Variants in NRXN3 observed in about 807,000 individuals in gnomAD.
The protein encoded by NRXN3 is neurexin III.
In NRXN3, 32 loss-of-function variants were observed where a neutral mutation model predicts 137.6. That is an observed-to-expected ratio of 0.23 (90% CI 0.18 to 0.31). NRXN3 has a LOEUF of 0.31. NRXN3 is among the 10% of genes least tolerant of loss of function. NRXN3 has a pLI of 1.00. For synonymous variants in NRXN3, 798 were observed against 784.5 expected, an observed-to-expected ratio of 1.02 and a Z score of -0.29; for missense variants, 1,574 against 2,062.5, an observed-to-expected ratio of 0.76 and a Z score of 4.59.
At chr14:79,353,645 G>A (rs909872053) in intron 15 of NRXN3, among the ~76,000 whole-genome samples, 2 of 152,130 alleles carry the variant, frequency 1.3e-5, no homozygotes, top group Admixed American at 1.3e-4. Flanking sequence ...GTATGATGAT[G>A]AAAGCCACTG....
At chr14:78,946,988 C>T (rs759729459) in intron 10 of NRXN3, among the ~76,000 whole-genome samples, 3 of 152,206 alleles carry the variant, frequency 2.0e-5, no homozygotes, top group Non-Finnish European at 4.4e-5. Flanking sequence ...TCCAGGGAGA[C>T]GAAGAGCTAT....
At chr14:79,378,766 G>A (rs1454492280) in intron 15 of NRXN3, among the ~76,000 whole-genome samples, 1 of 151,886 alleles carries the variant, frequency 6.6e-6, no homozygotes, top group Non-Finnish European at 1.5e-5. Context: ...TTGAATGAAT[G>A]GATAATGATT....
At chr14:79,422,798 C>G (rs904923657) in intron 15 of NRXN3, among the ~76,000 whole-genome samples, 1 of 149,690 alleles carries the variant, frequency 6.7e-6, no homozygotes, top group African/African-American at 2.5e-5. Flanking sequence ...CTCCCAGGTT[C>G]AAGCAATTCT....
At chr14:78,988,377 T>G (rs1267050282) in intron 15 of NRXN3, 1 of 504,098 alleles carries the variant, frequency 2.0e-6, no homozygotes. Context: ...TTTCTTTAGA[T>G]TAGAATAGCG....
chr14:78,373,843 G>GA (rs1290871596), intron 4 of NRXN3, among the ~76,000 whole-genome samples: 1 of 152,208 alleles, frequency 6.6e-6, no homozygotes, highest in African/African-American at 2.4e-5. Context: ...CTCTGAGAGA[G>GA]AAAAAAAGAC....
At chr14:78,877,371 C>T (rs971028142) in intron 10 of NRXN3, among the ~76,000 whole-genome samples, 3 of 152,136 alleles carry the variant, frequency 2.0e-5, no homozygotes, top group African/African-American at 7.2e-5. Context: ...CGTGTAAAGC[C>T]ATCCCTTCTC....
intron 4 of NRXN3, among the ~76,000 whole-genome samples, chr14:78,573,679 A>G (rs2096910043): frequency 1.3e-5 from 2 of 152,208 alleles, no homozygotes; most frequent in African/African-American, 4.8e-5. Context: ...AGTTATATGT[A>G]TTCACAAAGA....
rs1461207803 is a variant in NRXN3 at position 79,754,355 on chromosome 14, T to A, written c.4015-50757T>A. Among the ~76,000 whole-genome samples, 5 of 150,680 alleles carry A rather than the reference T, an allele frequency of 3.3e-5. No homozygotes were observed. The South Asian group carries it at 1.0e-3, about 31-fold the overall frequency. On this transcript the variant is annotated intron_variant, in intron 19 of 20. Transcript: ENST00000335750. The stretch of plus-strand genomic sequence containing the variant: ...CGAGACTCCATCTCAAAAACATAAA[T>A]AAATAAAGTACAGGGAGGATGTGTA...
At chr14:78,241,886 T>G (rs2067130361) in intron 1 of NRXN3, among the ~76,000 whole-genome samples, 1 of 152,148 alleles carries the variant, frequency 6.6e-6, no homozygotes, top group Admixed American at 6.5e-5. Context: ...CACCTTCCAG[T>G]TTATTTTCAC....
At chr14:78,765,763 A>G (rs1209197305) in intron 8 of NRXN3, among the ~76,000 whole-genome samples, 1 of 152,208 alleles carries the variant, frequency 6.6e-6, no homozygotes, top group Non-Finnish European at 1.5e-5. Context: ...ATACATATAT[A>G]CATATATATC....
intron 19 of NRXN3, among the ~76,000 whole-genome samples, chr14:79,720,091 A>G (rs2098838968): frequency 6.6e-6 from 1 of 152,122 alleles, no homozygotes; most frequent in South Asian, 2.1e-4. Flanking sequence ...GTAATTTATA[A>G]AGGAAAGAGG....
intron 15 of NRXN3, among the ~76,000 whole-genome samples, chr14:79,371,032 T>A (rs2094090321): frequency 1.3e-5 from 2 of 152,188 alleles, no homozygotes; most frequent in Admixed American, 6.5e-5. Context: ...TGAGACTTAG[T>A]GCCATTTCTC....
At chr14:79,795,265 A>G (rs1206246300) in intron 19 of NRXN3, among the ~76,000 whole-genome samples, 3 of 152,164 alleles carry the variant, frequency 2.0e-5, no homozygotes, top group African/African-American at 4.8e-5. Context: ...GGGTTTATCT[A>G]TTTACTACTA....
At chr14:79,035,696 G>T (rs912130231) in intron 15 of NRXN3, among the ~76,000 whole-genome samples, 2 of 152,056 alleles carry the variant, frequency 1.3e-5, no homozygotes, top group African/African-American at 4.8e-5. Flanking sequence ...AGTGGAACAA[G>T]TGTGTGTGAA....
At chr14:79,145,163 T>A (rs2059171545) in intron 15 of NRXN3, among the ~76,000 whole-genome samples, 1 of 152,148 alleles carries the variant, frequency 6.6e-6, no homozygotes, top group African/African-American at 2.4e-5. Context: ...AGTACAGTCA[T>A]TGAGATACAT....
chr14:79,070,025 G>T lies in NRXN3; in HGVS notation c.3262+81884G>T, dbSNP rs112267775. On this transcript the variant is annotated intron_variant, in intron 15 of 20. Coordinates refer to ENST00000335750, the MANE Select transcript of NRXN3 (RefSeq NM_001330195.2). ...CCTTCCATCTCTACCTGTTTTCTTT[G>T]TTATAGACTTTGAGTTTTGTATGTG... Among the ~76,000 whole-genome samples the T allele has an allele frequency of 4.4e-3, 663 of 152,036 alleles. 3 individuals are homozygous for T. The highest frequency in any genetic ancestry group is 0.015 in the African/African-American group (632 of 41,514).
chr14:79,772,168 G>A (rs1603480526), intron 19 of NRXN3, among the ~76,000 whole-genome samples: 1 of 151,912 alleles, frequency 6.6e-6, no homozygotes, highest in Non-Finnish European at 1.5e-5. Flanking sequence ...TCATGGGTAG[G>A]AAGAATCAAT....
At chr14:78,687,845 CA>C (rs1308642519) in intron 6 of NRXN3, among the ~76,000 whole-genome samples, 4 of 152,192 alleles carry the variant, frequency 2.6e-5, no homozygotes. Context: ...CCATCCTGCA[CA>C]AGGGGCCGAT....
At chr14:78,554,764 G>A (rs1056537205) in intron 4 of NRXN3, among the ~76,000 whole-genome samples, 3 of 151,946 alleles carry the variant, frequency 2.0e-5, no homozygotes, top group African/African-American at 4.8e-5. Context: ...TTTAGCGTTC[G>A]TGGGCCAGTT....
Sources: allele counts gnomAD v4.1 joint callset (sites outside exome capture counted in the v4.1 genomes callset), GRCh38; gene constraint gnomAD v4.1.1; transcripts MANE v1.5; gene names NCBI Gene and HGNC (gene_info 2026-07-23, HGNC 2026-07-21).